Variants in TBRG1 observed in about 807,000 individuals in gnomAD.
TBRG1 encodes the protein nuclear interactor of ARF and MDM2.
In TBRG1, 31 loss-of-function variants were observed where a neutral mutation model predicts 44.0. The observed-to-expected ratio is 0.70, with a 90% CI of 0.53 to 0.95. The LOEUF (loss-of-function observed/expected upper bound fraction) is 0.95, where lower values mean the gene tolerates loss of function less well. Ranked by LOEUF, TBRG1 falls within the 40% of genes least tolerant of loss-of-function variation. TBRG1 has a pLI of 0.00. For synonymous variants in TBRG1, 171 were observed against 188.1 expected (o/e 0.91, Z 0.74); for missense variants, 487 against 496.1 (o/e 0.98, Z 0.18).
At position 124,623,193 on chromosome 11, in the gene TBRG1, A is replaced by C; in HGVS notation, c.110A>C (p.Lys37Thr). 4 of 1,551,702 alleles carry C rather than the reference A, an allele frequency of 2.6e-6. No individual in the cohort carries two copies. The highest frequency in any genetic ancestry group is 3.5e-6 in the Non-Finnish European group (4 of 1,146,998). ...AGCCAGAATGAGAAGTACCGGCTGA[A>C]GTACCTGCGGCTGCGCAAAGCGGCC... is the stretch of plus-strand genomic sequence containing the variant. ...KKSQNEKYRL[K>T]YLRLRKAAKA... is the part of the protein sequence containing the mutation. Residue 37 changes from lysine (K) to threonine (T), a missense_variant, in exon 1 of 9, where the codon AAG becomes ACG. Physicochemically the swap from Lys to Thr is moderately conservative, Grantham distance 78. Coordinates refer to ENST00000441174, the MANE Select transcript of TBRG1 (RefSeq NM_032811.3).
At chr11:124,628,525 A>G (rs1329514430) in intron 5 of TBRG1, among the ~76,000 whole-genome samples, 1 of 52,470 alleles carries the variant, frequency 1.9e-5, no homozygotes, top group East Asian at 1.3e-3. Context: ...AGCAATATTA[A>G]AAAAAAAAAA....
Position 124,625,863 on chromosome 11 carries a change from G to A in TBRG1, c.414G>A (p.Lys138=), listed in dbSNP as rs1276569979. Residue 138 remains lysine (K), a synonymous_variant, in exon 3 of 9, where the codon AAG becomes AAA. Transcript: ENST00000441174. ...AEEPFGKKTK[K]EKKEKGKENN... is the part of the protein sequence containing the mutation. ...AACCATTTGGGAAGAAAACTAAGAA[G>A]GAGAAAAAAGAAAAAGGCAAAGAGA... is the stretch of plus-strand genomic sequence containing the variant. The A allele has an allele frequency of 5.7e-6, 9 of 1,574,426 alleles. No homozygotes were observed. The Admixed American group carries it at 5.9e-5, about 10-fold the overall frequency.
chr11:124,622,879 A>G lies in TBRG1; in HGVS notation c.-205A>G. 1 of 564,610 alleles carries G rather than the reference A, an allele frequency of 1.8e-6. No individual in the cohort carries two copies. 35.0% of individuals were successfully genotyped at this position (564,610 alleles called of 1,614,324 possible). On this transcript the variant is annotated 5_prime_UTR_variant, in exon 1 of 9. Coordinates refer to ENST00000441174, the MANE Select transcript of TBRG1 (RefSeq NM_032811.3). ...GGAAGGGCTTACTTCCAAGACAGAC[A>G]CGGAAGTGCTGGGAGGCGCCGGGAG...
rs1050754906 is a variant in TBRG1 at position 124,632,797 on chromosome 11, A to G, written c.*559A>G. On this transcript the variant is annotated 3_prime_UTR_variant, in exon 9 of 9. Transcript: ENST00000441174. ...AGAGGTCTGCTCTCATGACCTAATC[A>G]CCTCCCAAAGGCCCCACCTCCCAAT... The G allele has an allele frequency of 6.6e-6, 1 of 151,890 alleles. No individual in the cohort carries two copies. The highest frequency in any genetic ancestry group is 1.5e-5 in the Non-Finnish European group (1 of 68,186). The allele number at this position is 151,890 out of a possible 1,614,324, so 9.4% of individuals were successfully genotyped here.
At chr11:124,623,712 C>T (rs1295241739) in intron 1 of TBRG1, among the ~76,000 whole-genome samples, 1 of 152,222 alleles carries the variant, frequency 6.6e-6, no homozygotes, top group East Asian at 1.9e-4. Flanking sequence ...CTGAGCACCT[C>T]AAATCCCCAT....
chr11:124,623,911 A>T (rs1232555380), intron 1 of TBRG1, among the ~76,000 whole-genome samples: 1 of 152,222 alleles, frequency 6.6e-6, no homozygotes, highest in Non-Finnish European at 1.5e-5. Flanking sequence ...AGTGCTTGGA[A>T]ATAGGGGTGG....
chr11:124,625,996 A>G, intron 3 of TBRG1, 93 bp downstream of exon 3: 4 of 1,440,606 alleles, frequency 2.8e-6, no homozygotes, highest in Non-Finnish European at 3.7e-6. Flanking sequence ...ACAGCTGCAG[A>G]TGTACTTAGA....
chr11:124,633,813 A>G lies in TBRG1; in HGVS notation c.*1575A>G, dbSNP rs1405168448. On this transcript the variant is annotated 3_prime_UTR_variant, in exon 9 of 9. Coordinates refer to ENST00000441174, the MANE Select transcript of TBRG1 (RefSeq NM_032811.3). ...ACTGGCATTTACACAGAAATGATAT[A>G]TGCTGCTTTTATCATATAACAAATA... 1 of 152,210 alleles carries G rather than the reference A, an allele frequency of 6.6e-6. No homozygotes were observed. Among genetic ancestry groups the G allele is most frequent in the Admixed American group, 6.5e-5 (1 of 15,280 alleles). The allele number at this position is 152,210 out of a possible 1,614,324, so 9.4% of individuals were successfully genotyped here.
In TBRG1 at chr11:124,632,181, T is replaced by TA; in HGVS notation, c.1179_1180insA (p.His394ThrfsTer12). On this transcript the variant is annotated frameshift_variant, in exon 9 of 9. Transcript: ENST00000441174. LOFTEE classifies it high-confidence loss of function. ...TGACACATGAACCCTTGGTAGATAC[T>TA]CACCTGCAGCACTTGAAGTCTCCAT... is the stretch of plus-strand genomic sequence containing the variant. The TA allele has an allele frequency of 2.5e-6, 4 of 1,613,758 alleles. No homozygotes were observed. The highest frequency in any genetic ancestry group is 3.4e-6 in the Non-Finnish European group (4 of 1,179,710).
At chr11:124,630,664 G>A in intron 6 of TBRG1, 81 bp from the exon 7 acceptor site, 2 of 1,129,004 alleles carry the variant, frequency 1.8e-6, no homozygotes, top group Non-Finnish European at 2.6e-6. Context: ...TATCCTGTTT[G>A]TTCATACCAC....
chr11:124,628,970 C>T (rs764903957), intron 5 of TBRG1, among the ~76,000 whole-genome samples: 1 of 152,052 alleles, frequency 6.6e-6, no homozygotes, highest in Non-Finnish European at 1.5e-5. Flanking sequence ...AAAATATATC[C>T]ACCGTTGTAT....
chr11:124,626,129 G>C (rs1426769716), intron 3 of TBRG1, among the ~76,000 whole-genome samples: 1 of 152,200 alleles, frequency 6.6e-6, no homozygotes, highest in Non-Finnish European at 1.5e-5. Context: ...AGCAGACTGA[G>C]ACTTCCCCCT....
intron 7 of TBRG1, 164 bp from the exon 8 acceptor site, chr11:124,631,111 A>C (rs1369388512): frequency 2.8e-6 from 2 of 708,930 alleles, no homozygotes; most frequent in Admixed American, 6.2e-5. Context: ...CTAATTTGTC[A>C]CTAAAGAGGC....
chr11:124,623,105 G>C lies in TBRG1; in HGVS notation c.22G>C (p.Ala8Pro), dbSNP rs1472802838. ...GACCATGAGCCTGCTGGACGGCCTCGCTTCCTCGCCGCGGGCTCCGCTGCA... is the reference window on the plus strand; with the variant it reads ...GACCATGAGCCTGCTGGACGGCCTCCCTTCCTCGCCGCGGGCTCCGCTGCA... MSLLDGL[A>P]SSPRAPLQSS... Residue 8 changes from alanine (A) to proline (P), a missense_variant, in exon 1 of 9, where the codon GCT becomes CCT. Transcript: ENST00000441174. The C allele has an allele frequency of 1.5e-5, 23 of 1,550,552 alleles. No homozygotes were observed. In the East Asian group the frequency reaches 3.4e-4, roughly 23 times the overall value.
intron 5 of TBRG1, among the ~76,000 whole-genome samples, chr11:124,629,402 T>C (rs1942562342): frequency 6.6e-6 from 1 of 152,010 alleles, no homozygotes; most frequent in Non-Finnish European, 1.5e-5. Flanking sequence ...ATTTATTAGC[T>C]GAGAAATAAA....
chr11:124,626,097 A>G (rs571835451), intron 3 of TBRG1, among the ~76,000 whole-genome samples, 194 bp downstream of exon 3: 2 of 152,202 alleles, frequency 1.3e-5, no homozygotes, highest in Non-Finnish European at 2.9e-5. Flanking sequence ...AATTCGAGCT[A>G]GACTTCGTTA....
intron 7 of TBRG1, 92 bp from the exon 8 acceptor site, chr11:124,631,183 A>G: frequency 7.8e-7 from 1 of 1,276,178 alleles, no homozygotes; most frequent in Non-Finnish European, 1.1e-6. Context: ...TGGGCGGAAT[A>G]TAAAGAAAAA....
At chr11:124,631,218 A>C in intron 7 of TBRG1, 57 bp from the exon 8 acceptor site, 3 of 1,478,398 alleles carry the variant, frequency 2.0e-6, no homozygotes, top group Non-Finnish European at 2.7e-6. Flanking sequence ...TAGTGATAGG[A>C]ATGGGTATTT....
chr11:124,623,527 C>G (rs539440913), intron 1 of TBRG1: 1 of 447,724 alleles, frequency 2.2e-6, no homozygotes, highest in East Asian at 5.2e-5. Context: ...TACTGCAGGA[C>G]TCTAGGAAAT....
Sources: gnomAD v4.1 joint callset for allele counts (sites outside exome capture counted in the v4.1 genomes callset) on GRCh38, gnomAD v4.1.1 for gene constraint, MANE v1.5 for transcripts, NCBI Gene and HGNC (gene_info 2026-07-23, HGNC 2026-07-21) for gene names.